Variants in PARP8 observed in about 807,000 individuals in gnomAD.
PARP8 encodes the protein poly(ADP-ribose) polymerase family member 8.
A neutral mutation model predicts 124.1 loss-of-function variants in PARP8; 51 were observed. The observed-to-expected ratio is 0.41, with a 90% CI of 0.33 to 0.52. PARP8 has a LOEUF of 0.52. Among genes scored for constraint, PARP8 ranks in the 20% least tolerant of loss-of-function variants. PARP8 has a pLI of 0.21. For missense variants in PARP8, 860 were observed against 1,018.9 expected, an observed-to-expected ratio of 0.84 and a Z score of 2.12; for synonymous variants, 391 against 361.5, an observed-to-expected ratio of 1.08 and a Z score of -0.93.
At chr5:50,822,244 T>C (rs1240790899) in intron 16 of PARP8, 91 bp from the exon 17 acceptor site, 2 of 920,242 alleles carry the variant, frequency 2.2e-6, no homozygotes, top group African/African-American at 3.3e-5. Context: ...AAAATTCACA[T>C]ATGGAAATAA....
At chr5:50,822,282 G>A in intron 16 of PARP8, 53 bp from the exon 17 acceptor site, 4 of 1,270,316 alleles carry the variant, frequency 3.1e-6, no homozygotes, top group South Asian at 2.4e-5. Flanking sequence ...ATACAGACTT[G>A]CAAGAGCTTA....
rs1171171970 is a variant in PARP8, at chr5:50,816,037, A to G, written c.1668+513A>G. Among the ~76,000 whole-genome samples, 3 of 152,204 alleles carry G rather than the reference A, an allele frequency of 2.0e-5. No homozygotes were observed. In the East Asian group the frequency reaches 5.8e-4, roughly 29 times the overall value. The stretch of plus-strand genomic sequence containing the variant: ...CTGACTAAACTACTAATTCATCTAT[A>G]AGAAAAAAAATAAAAGAAAACTCTA... On this transcript the variant is annotated intron_variant, in intron 15 of 25. Transcript: ENST00000281631.
chr5:50,778,738 T>A, intron 9 of PARP8, 88 bp downstream of exon 9: 2 of 700,692 alleles, frequency 2.9e-6, no homozygotes, highest in Non-Finnish European at 4.4e-6. Flanking sequence ...TTGTCAGTTC[T>A]GAGCAAAAGT....
chr5:50,762,321 T>G (rs921635873), intron 6 of PARP8, among the ~76,000 whole-genome samples: 6 of 152,108 alleles, frequency 3.9e-5, no homozygotes, highest in African/African-American at 1.2e-4. Flanking sequence ...TCATCATTTG[T>G]TTATTTGTAT....
At chr5:50,753,958 A>G (rs930463427) in intron 3 of PARP8, among the ~76,000 whole-genome samples, 1 of 150,806 alleles carries the variant, frequency 6.6e-6, no homozygotes, top group African/African-American at 2.5e-5. Flanking sequence ...TGAAGAGAAA[A>G]TATCTTGCTG....
At chr5:50,743,893 C>A (rs1313255198) in intron 2 of PARP8, among the ~76,000 whole-genome samples, 1 of 151,986 alleles carries the variant, frequency 6.6e-6, no homozygotes, top group Non-Finnish European at 1.5e-5. Context: ...TATTTAAATT[C>A]TTAAAGTGGG....
intron 15 of PARP8, among the ~76,000 whole-genome samples, chr5:50,817,219 G>A (rs1745200764): frequency 6.6e-6 from 1 of 152,122 alleles, no homozygotes; most frequent in South Asian, 2.1e-4. Context: ...TAATGGTTTT[G>A]AATAGAAATG....
intron 1 of PARP8, 180 bp from the exon 2 acceptor site, chr5:50,667,891 C>A: frequency 2.0e-6 from 3 of 1,497,976 alleles, no homozygotes; most frequent in African/African-American, 1.4e-5. Flanking sequence ...CCCGCTGCAC[C>A]CAGTCGGGGG....
intron 3 of PARP8, among the ~76,000 whole-genome samples, chr5:50,754,061 A>G (rs1759550245): frequency 2.1e-5 from 3 of 143,376 alleles, no homozygotes; most frequent in East Asian, 2.0e-4. Flanking sequence ...AAAAAAAAAG[A>G]GCTTAGAAGT....
At chr5:50,750,938 T>C (rs1759187617) in intron 3 of PARP8, among the ~76,000 whole-genome samples, 1 of 152,070 alleles carries the variant, frequency 6.6e-6, no homozygotes, top group South Asian at 2.1e-4. Flanking sequence ...TTTTTATAGA[T>C]GGTTATGCAG....
chr5:50,714,021 T>A (rs1284531910), intron 2 of PARP8, among the ~76,000 whole-genome samples: 2 of 152,106 alleles, frequency 1.3e-5, no homozygotes, highest in Non-Finnish European at 2.9e-5. Context: ...CTACCAGATC[T>A]GTAAGATGAT....
In PARP8 at chr5:50,772,918, C is replaced by T. The variant is rs1261956466; in HGVS notation, c.519-5151C>T. Among the ~76,000 whole-genome samples, 4 of 152,030 alleles carry T rather than the reference C, an allele frequency of 2.6e-5. No individual in the cohort carries two copies. In the East Asian group the frequency reaches 5.8e-4, roughly 22 times the overall value. On this transcript the variant is annotated intron_variant, in intron 7 of 25. Coordinates refer to ENST00000281631, the MANE Select transcript of PARP8 (RefSeq NM_024615.4). ...TTCGCCATGTTGGCTGGGCTGGTCT[C>T]GAACTCCTGACCCAGTAGATCTGCC...
rs1241035134 is a variant in PARP8, at chr5:50,844,108, AC to A, written c.*2042del. 1 of 151,822 alleles carries A rather than the reference AC, an allele frequency of 6.6e-6. No individual in the cohort carries two copies. Among genetic ancestry groups the A allele is most frequent in the African/African-American group, 2.4e-5 (1 of 41,400 alleles). 9.4% of individuals were successfully genotyped at this position (151,822 alleles called of 1,614,324 possible). On this transcript the variant is annotated 3_prime_UTR_variant, in exon 26 of 26. Coordinates refer to ENST00000281631, the MANE Select transcript of PARP8 (RefSeq NM_024615.4). ...CGGTAACTCGTAAGACTCAAGAAAG[AC>A]CGTTTAAGGAAAATTGGCATAATAC...
intron 2 of PARP8, among the ~76,000 whole-genome samples, chr5:50,702,828 T>C (rs1197033726): frequency 2.0e-5 from 3 of 151,898 alleles, no homozygotes; most frequent in Non-Finnish European, 4.4e-5. Context: ...GAAGAGGAAG[T>C]GGTGAGGAAA....
At chr5:50,737,707 A>G (rs1470613773) in intron 2 of PARP8, among the ~76,000 whole-genome samples, 1 of 152,156 alleles carries the variant, frequency 6.6e-6, no homozygotes, top group African/African-American at 2.4e-5. Context: ...AAAAATCTAC[A>G]TTTAGAGCTT....
chr5:50,763,310 T>C, intron 7 of PARP8, 68 bp downstream of exon 7: 1 of 1,275,290 alleles, frequency 7.8e-7, no homozygotes, highest in Non-Finnish European at 1.1e-6. Context: ...ACTTTTGGAG[T>C]AATTTAAAGG....
intron 7 of PARP8, among the ~76,000 whole-genome samples, chr5:50,771,644 G>T (rs949531066): frequency 6.6e-6 from 1 of 150,376 alleles, no homozygotes; most frequent in East Asian, 1.9e-4. Flanking sequence ...CTATAAAAGG[G>T]ATTATATTCT....
At chr5:50,834,860 A>AAT in intron 24 of PARP8, 71 bp from the exon 25 acceptor site, 2 of 1,272,242 alleles carry the variant, frequency 1.6e-6, no homozygotes, top group Non-Finnish European at 2.3e-6. Flanking sequence ...GAGAAGAGAT[A>AAT]TATTAAGTCG....
intron 7 of PARP8, among the ~76,000 whole-genome samples, chr5:50,777,152 G>A (rs1561365183): frequency 6.6e-6 from 1 of 152,202 alleles, no homozygotes; most frequent in Admixed American, 6.5e-5. Context: ...TGATTGATAA[G>A]TTACTTTGTA....
Sources: gnomAD v4.1 joint callset for allele counts (sites outside exome capture counted in the v4.1 genomes callset) on GRCh38, gnomAD v4.1.1 for gene constraint, MANE v1.5 for transcripts, NCBI Gene and HGNC (gene_info 2026-07-23, HGNC 2026-07-21) for gene names.